The following CNTNAP2 variants were observed in gnomAD, a reference collection of about 807,000 sequenced individuals.
CNTNAP2 encodes the protein contactin-associated protein-like 2.
CNTNAP2 carries 98 observed loss-of-function variants against 155.2 expected under a neutral mutation model. The observed-to-expected ratio is 0.63, with a 90% CI of 0.54 to 0.75. CNTNAP2 has a LOEUF of 0.75. Ranked by LOEUF, CNTNAP2 falls within the 30% of genes least tolerant of loss-of-function variation. The probability of loss-of-function intolerance (pLI) is 0.00; values close to 1 mark genes in which losing one functional copy is unlikely to be tolerated. For missense variants in CNTNAP2, 1,727 were observed against 1,688.1 expected (o/e 1.02, Z -0.40); for synonymous variants, 651 against 631.2 (o/e 1.03, Z -0.47).
chr7:147,579,696 T>G (rs1800462712), intron 12 of CNTNAP2, among the ~76,000 whole-genome samples: 1 of 152,186 alleles, frequency 6.6e-6, no homozygotes, highest in South Asian at 2.1e-4. Flanking sequence ...TTTTAAAATC[T>G]TATTCTCATT....
chr7:148,029,081 T>C (rs987513592), intron 15 of CNTNAP2, among the ~76,000 whole-genome samples: 1 of 136,910 alleles, frequency 7.3e-6, no homozygotes, highest in African/African-American at 2.9e-5. Context: ...CCTACCAGAA[T>C]CTGGATATCC....
rs182787864 is a variant in CNTNAP2, at chr7:147,980,383, C to A, written c.2383+2394C>A. 1.0e-3 allele frequency among the ~76,000 whole-genome samples: 158 copies of A among 152,248 alleles called. 2 individuals are homozygous for A. The highest frequency in any genetic ancestry group is 3.5e-3 in the African/African-American group (147 of 41,542). Reference sequence around the variant, plus strand: ...TATTATCAAAATAAACTTATTTATTCACATTACATGATCTCAGTATACTTA... The same window carrying A: ...TATTATCAAAATAAACTTATTTATTAACATTACATGATCTCAGTATACTTA... On this transcript the variant is annotated intron_variant, in intron 15 of 23. Transcript: ENST00000361727.
chr7:146,440,834 T>C (rs1479241798), intron 1 of CNTNAP2, among the ~76,000 whole-genome samples: 3 of 151,586 alleles, frequency 2.0e-5, no homozygotes, highest in Non-Finnish European at 4.4e-5. Flanking sequence ...TACATAAATA[T>C]CTTGTCTAGT....
At chr7:146,549,787 T>C (rs1414815133) in intron 1 of CNTNAP2, among the ~76,000 whole-genome samples, 1 of 151,984 alleles carries the variant, frequency 6.6e-6, no homozygotes, top group Non-Finnish European at 1.5e-5. Context: ...AGGACATCAA[T>C]AGGTAAAACC....
chr7:148,062,554 A>T (rs1050684538), intron 15 of CNTNAP2, among the ~76,000 whole-genome samples: 5 of 152,174 alleles, frequency 3.3e-5, no homozygotes, highest in South Asian at 4.1e-4. Flanking sequence ...ATAAAGTCTA[A>T]ACAAAATAAA....
At chr7:148,269,042 A>G (rs1183690053) in intron 21 of CNTNAP2, among the ~76,000 whole-genome samples, 4 of 152,158 alleles carry the variant, frequency 2.6e-5, no homozygotes, top group African/African-American at 9.7e-5. Flanking sequence ...GTGGTCAAGA[A>G]CAAAAAGGAT....
At chr7:147,543,161 A>C (rs1456401527) in intron 11 of CNTNAP2, among the ~76,000 whole-genome samples, 1 of 152,230 alleles carries the variant, frequency 6.6e-6, no homozygotes, top group East Asian at 1.9e-4. Flanking sequence ...ATAGATATTA[A>C]ATTAACTAAA....
rs59902150 is a variant in CNTNAP2 at position 147,276,139 on chromosome 7, T to A, written c.1349-24002T>A. 8.3e-3 allele frequency among the ~76,000 whole-genome samples: 1,266 copies of A among 152,092 alleles called. 23 individuals are homozygous for A. Among genetic ancestry groups the A allele is most frequent in the African/African-American group, 0.028 (1,176 of 41,508 alleles). ...TCAGGGATGTTGACTTGTATTTTTC[T>A]TTTTTTGTTGTGCCCTTGCCTGGTT... is the stretch of plus-strand genomic sequence containing the variant. On this transcript the variant is annotated intron_variant, in intron 8 of 23. Transcript: ENST00000361727.
chr7:148,186,295 C>T (rs1315927453), intron 18 of CNTNAP2, among the ~76,000 whole-genome samples: 1 of 152,230 alleles, frequency 6.6e-6, no homozygotes, highest in East Asian at 1.9e-4. Flanking sequence ...CAACAACATT[C>T]AGGCATTGAT....
intron 3 of CNTNAP2, among the ~76,000 whole-genome samples, chr7:146,869,651 C>T (rs905729196): frequency 2.6e-5 from 4 of 152,076 alleles, no homozygotes; most frequent in African/African-American, 7.2e-5. Flanking sequence ...GGTCCAAGAG[C>T]CCCTTGCAAA....
chr7:147,029,370 C>T (rs892155661), intron 3 of CNTNAP2, among the ~76,000 whole-genome samples: 2 of 152,068 alleles, frequency 1.3e-5, no homozygotes, highest in African/African-American at 4.8e-5. Flanking sequence ...ACCTCATTAT[C>T]ATCAGTGATT....
intron 1 of CNTNAP2, among the ~76,000 whole-genome samples, chr7:146,535,583 T>C (rs966603685): frequency 3.3e-5 from 5 of 150,232 alleles, no homozygotes; most frequent in African/African-American, 1.2e-4. Context: ...TAATTGACAA[T>C]TGTATAAATT....
intron 11 of CNTNAP2, among the ~76,000 whole-genome samples, chr7:147,495,106 T>C (rs955337831): frequency 1.3e-5 from 2 of 152,182 alleles, no homozygotes; most frequent in Non-Finnish European, 2.9e-5. Flanking sequence ...ATAAAAGCAT[T>C]AATACATTAT....
intron 1 of CNTNAP2, among the ~76,000 whole-genome samples, chr7:146,513,539 CAAAGA>C (rs149143571): frequency 0.064 from 9,712 of 151,866 alleles, 752 homozygotes; most frequent in African/African-American, 0.19. Context: ...ACTTTGATAA[CAAAGA>C]AAAGATACAG....
intron 11 of CNTNAP2, among the ~76,000 whole-genome samples, chr7:147,514,973 C>T (rs1799092919): frequency 6.6e-6 from 1 of 152,196 alleles, no homozygotes; most frequent in South Asian, 2.1e-4. Context: ...TGTCCAACCT[C>T]ATGTTAAAAA....
intron 1 of CNTNAP2, among the ~76,000 whole-genome samples, chr7:146,136,112 C>T (rs1229433411): frequency 6.6e-6 from 1 of 152,084 alleles, no homozygotes; most frequent in Non-Finnish European, 1.5e-5. Context: ...ATTATTTCTA[C>T]TAATAAAAAG....
At chr7:146,809,063 G>A (rs750357063) in intron 2 of CNTNAP2, among the ~76,000 whole-genome samples, 1 of 152,052 alleles carries the variant, frequency 6.6e-6, no homozygotes, top group Non-Finnish European at 1.5e-5. Context: ...ACTGATTTCA[G>A]TTTTTTTAGA....
chr7:146,266,126 AAAT>A (rs1380336809), intron 1 of CNTNAP2, among the ~76,000 whole-genome samples: 10 of 152,182 alleles, frequency 6.6e-5, no homozygotes, highest in Non-Finnish European at 1.2e-4. Context: ...GACTGAGAAC[AAAT>A]AATGCAAGGA....
chr7:147,722,324 T>G (rs1416949931), intron 13 of CNTNAP2, among the ~76,000 whole-genome samples: 3 of 152,156 alleles, frequency 2.0e-5, no homozygotes, highest in Non-Finnish European at 2.9e-5. Flanking sequence ...ACTTAAAATG[T>G]CATCAGCAAG....
Sources: allele counts gnomAD v4.1 joint callset (sites outside exome capture counted in the v4.1 genomes callset), GRCh38; gene constraint gnomAD v4.1.1; transcripts MANE v1.5; gene names NCBI Gene and HGNC (gene_info 2026-07-23, HGNC 2026-07-21).